Variants in NKAIN2 observed in about 807,000 individuals in gnomAD.
NKAIN2 encodes the protein sodium/potassium transporting ATPase interacting 2.
NKAIN2 carries 14 observed loss-of-function variants against 32.6 expected under a neutral mutation model. The ratio of observed to expected loss-of-function variants is 0.43; its 90% CI spans 0.28 to 0.67. The LOEUF is 0.67. Ranked by LOEUF, NKAIN2 falls within the 30% of genes least tolerant of loss-of-function variation. The pLI is 0.17. For synonymous variants in NKAIN2, 80 were observed against 87.2 expected (o/e 0.92, Z 0.46); for missense variants, 198 against 258.3 (o/e 0.77, Z 1.60).
chr6:124,038,308 G>A (rs966644945), intron 1 of NKAIN2, among the ~76,000 whole-genome samples: 14 of 151,768 alleles, frequency 9.2e-5, no homozygotes, highest in African/African-American at 3.4e-4. Context: ...TCTGCCTCCA[G>A]GGTTCAAGTG....
intron 3 of NKAIN2, among the ~76,000 whole-genome samples, chr6:124,566,524 A>T (rs539700130): frequency 6.6e-6 from 1 of 152,192 alleles, no homozygotes; most frequent in East Asian, 1.9e-4. Flanking sequence ...CCTCCTTTTG[A>T]CACACTGTTT....
At chr6:124,427,554 C>G (rs987792220) in intron 3 of NKAIN2, among the ~76,000 whole-genome samples, 18 of 152,150 alleles carry the variant, frequency 1.2e-4, no homozygotes, top group Non-Finnish European at 2.5e-4. Context: ...TGCCACTTAA[C>G]CAGGACTTTT....
At chr6:124,624,847 G>T (rs561006042) in intron 3 of NKAIN2, among the ~76,000 whole-genome samples, 1 of 151,742 alleles carries the variant, frequency 6.6e-6, no homozygotes, top group East Asian at 1.9e-4. Flanking sequence ...TTGAGCAAAT[G>T]GTTATAAGTT....
intron 1 of NKAIN2, among the ~76,000 whole-genome samples, chr6:124,241,165 C>T (rs1163360199): frequency 1.3e-5 from 2 of 152,046 alleles, no homozygotes; most frequent in Non-Finnish European, 2.9e-5. Context: ...TAATAAAATA[C>T]CTAGAAATAC....
At chr6:124,673,978 C>T (rs1773232324) in intron 4 of NKAIN2, among the ~76,000 whole-genome samples, 1 of 151,870 alleles carries the variant, frequency 6.6e-6, no homozygotes, top group African/African-American at 2.4e-5. Context: ...AGTTTTCCAC[C>T]TATATATCTT....
chr6:124,347,835 C>T (rs191691798), intron 2 of NKAIN2, among the ~76,000 whole-genome samples: 50 of 152,346 alleles, frequency 3.3e-4, no homozygotes, highest in African/African-American at 1.1e-3. Context: ...TCTCTGCACT[C>T]GTCAAAGTCA....
intron 1 of NKAIN2, among the ~76,000 whole-genome samples, chr6:124,174,446 A>T (rs1175652379): frequency 6.6e-6 from 1 of 152,198 alleles, no homozygotes; most frequent in East Asian, 1.9e-4. Context: ...TAGTTAGGGC[A>T]GCCTAAGTAC....
intron 1 of NKAIN2, among the ~76,000 whole-genome samples, chr6:124,176,276 C>T (rs1789151182): frequency 6.6e-6 from 1 of 152,006 alleles, no homozygotes; most frequent in Admixed American, 6.5e-5. Flanking sequence ...TACTACAGAC[C>T]TTCGATTTGT....
At chr6:124,245,609 A>C (rs1044974346) in intron 1 of NKAIN2, among the ~76,000 whole-genome samples, 3 of 152,146 alleles carry the variant, frequency 2.0e-5, no homozygotes, top group African/African-American at 7.2e-5. Flanking sequence ...ACTGATATTC[A>C]GAAAAATAAA....
At chr6:124,608,030 T>C (rs892614701) in intron 3 of NKAIN2, among the ~76,000 whole-genome samples, 2 of 152,168 alleles carry the variant, frequency 1.3e-5, no homozygotes. Context: ...TTTCAACTTA[T>C]GATAGGTTTA....
chr6:123,817,007 G>A (rs1193792516), intron 1 of NKAIN2, among the ~76,000 whole-genome samples: 1 of 152,224 alleles, frequency 6.6e-6, no homozygotes, highest in African/African-American at 2.4e-5. Flanking sequence ...GAAAAAGATT[G>A]TTCTGGGGGT....
At chr6:124,286,000 C>T (rs1256979216) in intron 2 of NKAIN2, among the ~76,000 whole-genome samples, 2 of 151,882 alleles carry the variant, frequency 1.3e-5, no homozygotes, top group African/African-American at 2.4e-5. Flanking sequence ...TTATATTTGC[C>T]ATATTTTCTC....
chr6:124,412,013 C>T (rs1157327694), intron 3 of NKAIN2, among the ~76,000 whole-genome samples: 1 of 152,182 alleles, frequency 6.6e-6, no homozygotes, highest in Non-Finnish European at 1.5e-5. Flanking sequence ...GGTTCTCGTG[C>T]CGTGGTTTTC....
intron 1 of NKAIN2, among the ~76,000 whole-genome samples, chr6:124,028,634 A>G (rs1239228492): frequency 6.7e-6 from 1 of 149,024 alleles, no homozygotes; most frequent in African/African-American, 2.6e-5. Context: ...ATAAATACAC[A>G]TTGTTTGGTC....
chr6:124,791,173 A>G (rs941313680), intron 4 of NKAIN2, among the ~76,000 whole-genome samples, 166 bp from the exon 5 acceptor site: 1 of 152,164 alleles, frequency 6.6e-6, no homozygotes, highest in African/African-American at 2.4e-5. Context: ...GATGAGCATC[A>G]TTTGAATGAG....
At chr6:123,860,504 G>C (rs1201454526) in intron 1 of NKAIN2, among the ~76,000 whole-genome samples, 1 of 151,994 alleles carries the variant, frequency 6.6e-6, no homozygotes, top group African/African-American at 2.4e-5. Flanking sequence ...TCAACCTCCT[G>C]GGCTCAAGTG....
intron 1 of NKAIN2, among the ~76,000 whole-genome samples, chr6:123,849,962 G>T (rs3070423): frequency 0.43 from 9,287 of 21,556 alleles, 1,463 homozygotes; most frequent in Middle Eastern, 0.5. Context: ...TTTTTTTTTT[G>T]TTTGTTTGTT....
At chr6:124,224,162 T>G (rs1468012184) in intron 1 of NKAIN2, among the ~76,000 whole-genome samples, 2 of 152,140 alleles carry the variant, frequency 1.3e-5, no homozygotes, top group African/African-American at 2.4e-5. Context: ...ACATTCATAT[T>G]AATTTACGTA....
chr6:124,462,840 T>C (rs1319476610), intron 3 of NKAIN2, among the ~76,000 whole-genome samples: 1 of 152,068 alleles, frequency 6.6e-6, no homozygotes, highest in Non-Finnish European at 1.5e-5. Context: ...GTATTATGAC[T>C]TGCAGGGAAC....
Sources: allele counts gnomAD v4.1 joint callset (sites outside exome capture counted in the v4.1 genomes callset), GRCh38; gene constraint gnomAD v4.1.1; transcripts MANE v1.5; gene names NCBI Gene and HGNC (gene_info 2026-07-23, HGNC 2026-07-21).